ANXA4: variants seen among roughly 807,000 people sequenced by gnomAD.
The protein encoded by ANXA4 is 35-beta calcimedin.
A neutral mutation model predicts 49.8 loss-of-function variants in ANXA4; 39 were observed. The ratio of observed to expected loss-of-function variants is 0.78; its 90% confidence interval spans 0.61 to 1.02. ANXA4 has a LOEUF of 1.02. ANXA4 is among the 50% of genes least tolerant of loss of function. The pLI, the probability that ANXA4 is intolerant of heterozygous loss-of-function variation, is 0.00. For missense variants in ANXA4, 360 were observed against 410.1 expected (o/e 0.88, Z 1.05); for synonymous variants, 134 against 152.5 (o/e 0.88, Z 0.89).
At chr2:69,687,016 C>A (rs530554130) in intron 2 of ANXA4, among the ~76,000 whole-genome samples, 1 of 152,212 alleles carries the variant, frequency 6.6e-6, no homozygotes, top group South Asian at 2.1e-4. Flanking sequence ...ACCAAAGTCA[C>A]GAGTGTGTGA....
intron 2 of ANXA4, among the ~76,000 whole-genome samples, chr2:69,714,820 G>A (rs1282240948): frequency 1.3e-5 from 2 of 152,174 alleles, no homozygotes; most frequent in Admixed American, 6.5e-5. Context: ...TGGCTTCCCC[G>A]GGGCTTGTCC....
At chr2:69,747,372 C>T (rs1670653908) in intron 1 of ANXA4, among the ~76,000 whole-genome samples, 1 of 152,184 alleles carries the variant, frequency 6.6e-6, no homozygotes, top group African/African-American at 2.4e-5. Context: ...GATCAGCCCC[C>T]AGCATCTTCT....
chr2:69,745,444 T>G (rs1413730310), intron 1 of ANXA4, among the ~76,000 whole-genome samples: 4 of 152,214 alleles, frequency 2.6e-5, no homozygotes, highest in Non-Finnish European at 5.9e-5. Flanking sequence ...CCAGGAAGCT[T>G]GTACAATATG....
At chr2:69,685,445 A>C (rs1163689723) in intron 2 of ANXA4, among the ~76,000 whole-genome samples, 1 of 152,208 alleles carries the variant, frequency 6.6e-6, no homozygotes, top group African/African-American at 2.4e-5. Flanking sequence ...AATTGTACGC[A>C]CAGGTGCTGG....
rs764622740 is a variant in ANXA4 at position 69,812,682 on chromosome 2, C to T, written c.507C>T (p.Asp169=). 7.3e-5 allele frequency: 118 copies of T among 1,613,912 alleles called. No homozygotes were observed. In the Admixed American group the frequency reaches 1.8e-3, roughly 24 times the overall value. Residue 169 remains aspartate (D), a synonymous_variant, in exon 8 of 13, where the codon GAC becomes GAT. Coordinates refer to ENST00000394295, the MANE Select transcript of ANXA4 (RefSeq NM_001153.5). ...GGAGGGATGAAGGAAATTATCTGGACGATGCTCTCGTGAGACAGGATGCCC... is the reference window on the plus strand; with the variant it reads ...GGAGGGATGAAGGAAATTATCTGGATGATGCTCTCGTGAGACAGGATGCCC... ...AGGRDEGNYL[D]DALVRQDAQD...
rs377447418 is a variant in ANXA4 at position 69,804,572 on chromosome 2, G to T, written c.137G>T (p.Arg46Leu). 1 of 1,613,800 alleles carries T rather than the reference G, an allele frequency of 6.2e-7. No individual in the cohort carries two copies. Among genetic ancestry groups the T allele is most frequent in the East Asian group, 2.2e-5 (1 of 44,844 alleles). ...EDAIISVLAY[R>L]NTAQRQEIRT... Reference sequence around the variant, plus strand: ...GCCATTATTAGCGTCCTTGCCTACCGCAACACCGCCCAGCGCCAGGAGATC... The same window carrying T: ...GCCATTATTAGCGTCCTTGCCTACCTCAACACCGCCCAGCGCCAGGAGATC... The change falls in exon 4 of 13, where the codon CGC becomes CTC. Residue 46 changes from arginine (R) to leucine (L), a missense_variant. Physicochemically the swap from Arg to Leu is moderately radical, Grantham distance 102. Transcript: ENST00000394295.
At chr2:69,761,027 A>T (rs984441494) in intron 1 of ANXA4, among the ~76,000 whole-genome samples, 1 of 145,272 alleles carries the variant, frequency 6.9e-6, no homozygotes, top group East Asian at 2.1e-4. Context: ...AATTAATTAA[A>T]AAATAAATAA....
intron 3 of ANXA4, among the ~76,000 whole-genome samples, chr2:69,724,721 C>G (rs1669911999): frequency 6.7e-6 from 1 of 148,844 alleles, no homozygotes; most frequent in South Asian, 2.2e-4. Context: ...TAAGCTGGGG[C>G]AAGAAAGAAA....
chr2:69,646,677 G>A (rs185184357), intron 1 of ANXA4, among the ~76,000 whole-genome samples: 1 of 152,250 alleles, frequency 6.6e-6, no homozygotes, highest in African/African-American at 2.4e-5. Context: ...TGTCAGGCAA[G>A]GGTTAAGTCA....
intron 2 of ANXA4, among the ~76,000 whole-genome samples, chr2:69,686,781 A>G (rs1677802748): frequency 2.0e-5 from 3 of 152,208 alleles, no homozygotes; most frequent in African/African-American, 7.2e-5. Context: ...TTAGAACTGC[A>G]TTTTACAACT....
chr2:69,732,484 C>CG lies in ANXA4; in HGVS notation n.864+11614dup, dbSNP rs1442355747. ...AAAGAGTATTACAGTGTTGGCTGGG[C>CG]GTGGTGGCTCACGCCTGTAATCCCA... On this transcript the variant is annotated intron_variant and non_coding_transcript_variant, in intron 3 of 3. Transcript: ENST00000418066. Among the ~76,000 whole-genome samples the CG allele has an allele frequency of 2.0e-5, 3 of 150,728 alleles. No homozygotes were observed. In the East Asian group the frequency reaches 6.0e-4, roughly 30 times the overall value.
At position 69,778,914 on chromosome 2, in the gene ANXA4, A is replaced by G. The variant is rs1445736478; in HGVS notation, c.-46-2606A>G. ...GAAGTTCAAGACCAGCCTGGCCAAT[A>G]TGGTGAAATCCTGTCTGTACTAAAA... On this transcript the variant is annotated intron_variant, in intron 1 of 12. Coordinates refer to ENST00000394295, the MANE Select transcript of ANXA4 (RefSeq NM_001153.5). Among the ~76,000 whole-genome samples the G allele has an allele frequency of 2.0e-5, 3 of 151,976 alleles. No individual in the cohort carries two copies. In the East Asian group the frequency reaches 5.8e-4, roughly 29 times the overall value.
At chr2:69,726,806 A>C (rs565463108) in intron 3 of ANXA4, among the ~76,000 whole-genome samples, 8 of 152,288 alleles carry the variant, frequency 5.3e-5, no homozygotes, top group African/African-American at 1.9e-4. Flanking sequence ...TGTTGTGTGT[A>C]CTTGTAGTTT....
intron 1 of ANXA4, among the ~76,000 whole-genome samples, chr2:69,745,118 T>A (rs1670557601): frequency 6.6e-6 from 1 of 151,758 alleles, no homozygotes; most frequent in Non-Finnish European, 1.5e-5. Flanking sequence ...GAAAAAAAAA[T>A]AAGTTTGCAG....
intron 5 of ANXA4, 68 bp downstream of exon 5, chr2:69,806,566 T>G: frequency 7.5e-7 from 1 of 1,333,520 alleles, no homozygotes; most frequent in Non-Finnish European, 1.1e-6. Context: ...CTTAAGAAAC[T>G]GTCACCCAAT....
At chr2:69,724,356 G>A (rs1669902696) in intron 3 of ANXA4, among the ~76,000 whole-genome samples, 1 of 152,188 alleles carries the variant, frequency 6.6e-6, no homozygotes, top group Non-Finnish European at 1.5e-5. Flanking sequence ...CAGAAGCAGG[G>A]AGGGCCGCTG....
intron 2 of ANXA4, chr2:69,720,703 T>G (rs1669791837): frequency 6.6e-6 from 1 of 152,230 alleles, no homozygotes; most frequent in African/African-American, 2.4e-5. Context: ...ATTCTCAATC[T>G]GCCTATATGT....
At chr2:69,753,036 C>A (rs1670911313) in intron 1 of ANXA4, among the ~76,000 whole-genome samples, 1 of 152,158 alleles carries the variant, frequency 6.6e-6, no homozygotes, top group African/African-American at 2.4e-5. Flanking sequence ...CTTTTAATTT[C>A]TTAGGTGGAC....
At chr2:69,736,457 C>T (rs528652994) in intron 3 of ANXA4, among the ~76,000 whole-genome samples, 11 of 152,262 alleles carry the variant, frequency 7.2e-5, no homozygotes, top group Admixed American at 5.2e-4. Flanking sequence ...TACTGACTGG[C>T]ACATAGTAAG....
Sources: allele counts gnomAD v4.1 joint callset (sites outside exome capture counted in the v4.1 genomes callset), GRCh38; gene constraint gnomAD v4.1.1; transcripts MANE v1.5; gene names NCBI Gene and HGNC (gene_info 2026-07-23, HGNC 2026-07-21).